RNF150: variants seen among roughly 807,000 people sequenced by gnomAD.
The protein encoded by RNF150 is ring finger protein 150.
In RNF150, 24 loss-of-function variants were observed where a neutral mutation model predicts 39.3. The observed-to-expected ratio is 0.61, with a 90% CI of 0.44 to 0.86. The LOEUF (loss-of-function observed/expected upper bound fraction) is 0.86. RNF150 is among the 40% of genes least tolerant of loss of function. The probability of loss-of-function intolerance (pLI) is 0.00; values close to 1 mark genes in which losing one functional copy is unlikely to be tolerated. For synonymous variants in RNF150, 255 were observed against 227.3 expected (o/e 1.12, Z -1.10); for missense variants, 502 against 587.8 (o/e 0.85, Z 1.51).
At chr4:141,150,881 A>G (rs1424493888) in intron 1 of RNF150, among the ~76,000 whole-genome samples, 1 of 152,186 alleles carries the variant, frequency 6.6e-6, no homozygotes, top group African/African-American at 2.4e-5. Context: ...TGAATCTGGT[A>G]TATTAAAATA....
chr4:141,192,255 C>T (rs1253335537), intron 1 of RNF150, among the ~76,000 whole-genome samples: 1 of 152,128 alleles, frequency 6.6e-6, no homozygotes, highest in Non-Finnish European at 1.5e-5. Context: ...ATATCTTCTC[C>T]TCATTTCCAA....
At chr4:141,141,542 C>G (rs1371174906) in intron 1 of RNF150, among the ~76,000 whole-genome samples, 2 of 152,180 alleles carry the variant, frequency 1.3e-5, no homozygotes, top group Non-Finnish European at 2.9e-5. Flanking sequence ...TGGTTCATGC[C>G]TGTAATTCCA....
intron 1 of RNF150, among the ~76,000 whole-genome samples, chr4:141,169,419 G>C (rs1322554569): frequency 6.6e-6 from 1 of 152,034 alleles, no homozygotes; most frequent in Non-Finnish European, 1.5e-5. Flanking sequence ...CCCAGTCTCA[G>C]GTATTTCTTT....
intron 1 of RNF150, among the ~76,000 whole-genome samples, chr4:140,986,196 T>C (rs1734008658): frequency 1.3e-5 from 2 of 152,098 alleles, no homozygotes; most frequent in Admixed American, 6.6e-5. Flanking sequence ...AAACTTGCTC[T>C]GCCTGAACAA....
chr4:141,154,395 TGTGTG>T (rs1727348985), intron 1 of RNF150, among the ~76,000 whole-genome samples: 7 of 152,324 alleles, frequency 4.6e-5, no homozygotes, highest in Admixed American at 4.6e-4. Context: ...TTAGCGTGCC[TGTGTG>T]GCACAATGCT....
chr4:141,128,093 G>T (rs1325323897), intron 1 of RNF150, among the ~76,000 whole-genome samples: 2 of 152,116 alleles, frequency 1.3e-5, no homozygotes, highest in Admixed American at 6.6e-5. Flanking sequence ...AGTATGAAAG[G>T]GTAAATAAGG....
Position 141,161,615 on chromosome 4 carries a change from C to G in RNF150, c.-6+51179G>C, listed in dbSNP as rs112733226. Among the ~76,000 whole-genome samples, 404 of 152,370 alleles carry G rather than the reference C, an allele frequency of 2.7e-3. 1 individual carries two copies. Among genetic ancestry groups the G allele is most frequent in the African/African-American group, 9.2e-3 (382 of 41,590 alleles). ...ATTTTACAAACTTTTGTCGCAACCCCTCCCACCACAGGCCCAGAGGCCTAG... is the reference window on the plus strand; with the variant it reads ...ATTTTACAAACTTTTGTCGCAACCCGTCCCACCACAGGCCCAGAGGCCTAG... On this transcript the variant is annotated intron_variant, in intron 1 of 7. Coordinates refer to the RNF150 transcript ENST00000420921.
intron 1 of RNF150, among the ~76,000 whole-genome samples, chr4:141,168,145 G>A (rs957296471): frequency 2.0e-5 from 3 of 152,056 alleles, no homozygotes; most frequent in South Asian, 2.1e-4. Context: ...GACATGAACA[G>A]GCACTTCTCA....
In RNF150 at chr4:140,860,671, C is replaced by T. The variant is rs955552907; in HGVS notation, c.*7590G>A. On this transcript the variant is annotated 3_prime_UTR_variant, in exon 7 of 7. Coordinates refer to ENST00000515673, the MANE Select transcript of RNF150 (RefSeq NM_020724.2). ...GGAAAAAAAGCCATTGGAATTTCCT[C>T]TTGCTAGTAGGGAGGAAGATTGATT... is the stretch of plus-strand genomic sequence containing the variant. 5.3e-5 allele frequency: 8 copies of T among 152,172 alleles called. No individual in the cohort carries two copies. Among genetic ancestry groups the T allele is most frequent in the African/African-American group, 1.9e-4 (8 of 41,440 alleles). 9.4% of individuals were successfully genotyped at this position (152,172 alleles called of 1,614,324 possible).
intron 6 of RNF150, among the ~76,000 whole-genome samples, chr4:140,899,966 C>CTGTGTGTGTG (rs1196123157): frequency 8.5e-6 from 1 of 117,224 alleles, no homozygotes; most frequent in African/African-American, 3.3e-5. Flanking sequence ...CTCTCTCTCT[C>CTGTGTGTGTG]TCTCTCTCTG....
chr4:140,953,406 T>C (rs1273999823), intron 2 of RNF150, among the ~76,000 whole-genome samples: 7 of 152,026 alleles, frequency 4.6e-5, no homozygotes, highest in Admixed American at 2.6e-4. Context: ...TTGGCAGCGG[T>C]GGATAAAGGA....
chr4:140,957,140 T>G (rs1732790996), intron 2 of RNF150, among the ~76,000 whole-genome samples: 1 of 151,138 alleles, frequency 6.6e-6, no homozygotes, highest in Non-Finnish European at 1.5e-5. Context: ...GGGAGAAAAT[T>G]TTCGCAACCT....
chr4:141,012,984 T>C (rs1368526972), intron 1 of RNF150, among the ~76,000 whole-genome samples: 3 of 152,042 alleles, frequency 2.0e-5, no homozygotes, highest in Admixed American at 1.3e-4. Context: ...AATGCAACCA[T>C]TGGCCCTTCT....
chr4:141,133,318 C>T lies in RNF150; in HGVS notation c.-510G>A, dbSNP rs1726958590. 1 of 164,570 alleles carries T rather than the reference C, an allele frequency of 6.1e-6. No homozygotes were observed. Among genetic ancestry groups the T allele is most frequent in the Admixed American group, 6.5e-5 (1 of 15,404 alleles). The allele number at this position is 164,570 out of a possible 1,614,324, so 10.2% of individuals were successfully genotyped here. On this transcript the variant is annotated 5_prime_UTR_variant, in exon 1 of 7. Transcript: ENST00000515673. ...GAATCCAGCTGCAGCCGCTGCTGCC[C>T]TGCGCCGGTTCCCTCAGGCTGCGGG...
chr4:141,029,878 A>G (rs1735864182), intron 1 of RNF150, among the ~76,000 whole-genome samples: 1 of 152,236 alleles, frequency 6.6e-6, no homozygotes, highest in African/African-American at 2.4e-5. Flanking sequence ...ACATTTCTCC[A>G]AAGATGAAAT....
intron 4 of RNF150, among the ~76,000 whole-genome samples, chr4:140,936,497 TACACCAGCATA>T (rs780103873): frequency 2.2e-4 from 33 of 152,184 alleles, no homozygotes; most frequent in Non-Finnish European, 3.7e-4. Flanking sequence ...TGAGATGCCA[TACACCAGCATA>T]AATTTTCATA....
intron 1 of RNF150, among the ~76,000 whole-genome samples, chr4:141,156,654 G>A (rs778623572): frequency 2.6e-4 from 40 of 151,212 alleles, no homozygotes; most frequent in Non-Finnish European, 5.7e-4. Flanking sequence ...AGCACTTTGG[G>A]AGGCTGAGGT....
chr4:140,894,479 T>G lies in RNF150; in HGVS notation c.1198+16665A>C, dbSNP rs150038169. 5.2e-3 allele frequency among the ~76,000 whole-genome samples: 785 copies of G among 152,300 alleles called. 7 individuals carry two copies. The highest frequency in any genetic ancestry group is 0.018 in the African/African-American group (744 of 41,560). On this transcript the variant is annotated intron_variant, in intron 6 of 6. Transcript: ENST00000515673. ...TCTTTTTAAAGGATCATGCTGCTGCTTTTTGGGATGATTACTGATGTTTAT... is the reference window on the plus strand; with the variant it reads ...TCTTTTTAAAGGATCATGCTGCTGCGTTTTGGGATGATTACTGATGTTTAT...
At chr4:140,881,450 C>T (rs2111204660) in intron 6 of RNF150, among the ~76,000 whole-genome samples, 1 of 152,308 alleles carries the variant, frequency 6.6e-6, no homozygotes, top group East Asian at 1.9e-4. Flanking sequence ...AAGCATGAGC[C>T]ACCACACCTG....
Sources: allele counts gnomAD v4.1 joint callset (sites outside exome capture counted in the v4.1 genomes callset), GRCh38; gene constraint gnomAD v4.1.1; transcripts MANE v1.5; gene names NCBI Gene and HGNC (gene_info 2026-07-23, HGNC 2026-07-21).